MTSS1: variants seen among roughly 807,000 people sequenced by gnomAD.
MTSS1 encodes protein MTSS 1.
Under a neutral mutation model 79.0 loss-of-function variants are expected in MTSS1, and 18 were observed. The observed-to-expected ratio is 0.23, with a 90% confidence interval of 0.16 to 0.34. The LOEUF (loss-of-function observed/expected upper bound fraction) is 0.34, where lower values mean the gene tolerates loss of function less well. Among genes scored for constraint, MTSS1 ranks in the 10% least tolerant of loss-of-function variants. The pLI is 1.00. For missense variants in MTSS1, 815 were observed against 986.2 expected (o/e 0.83, Z 2.33); for synonymous variants, 341 against 368.6 (o/e 0.93, Z 0.86).
chr8:124,687,144 A>G (rs1195726118), intron 3 of MTSS1, among the ~76,000 whole-genome samples: 1 of 152,160 alleles, frequency 6.6e-6, no homozygotes, highest in Non-Finnish European at 1.5e-5. Context: ...TGAAAACACA[A>G]ACGCCAGAGC....
intron 10 of MTSS1, 55 bp from the exon 11 acceptor site, chr8:124,557,930 T>C (rs938962275): frequency 4.3e-6 from 6 of 1,388,492 alleles, no homozygotes; most frequent in Non-Finnish European, 4.9e-6. Context: ...TATAACAGGA[T>C]GAGTGCGGAG....
intron 6 of MTSS1, chr8:124,568,856 C>T: frequency 7.0e-7 from 1 of 1,431,404 alleles, no homozygotes; most frequent in African/African-American, 1.4e-5. Context: ...GAACACAGAG[C>T]CAGACAGCAT....
At chr8:124,563,186 A>G in intron 9 of MTSS1, 194 bp from the exon 10 acceptor site, 1 of 594,366 alleles carries the variant, frequency 1.7e-6, no homozygotes, top group South Asian at 2.0e-5. Context: ...TCATGAAGGT[A>G]GTCAACAAAA....
rs773369767 is a variant in MTSS1 at position 124,553,025 on chromosome 8, C to T, written c.2235G>A (p.Thr745=). The change falls in exon 14 of 14, where the codon ACG becomes ACA. Residue 745 remains threonine (T), a synonymous_variant. Transcript: ENST00000518547. This position sits in a 1 kb window ranked among gnomAD's most constrained non-coding sequence, Gnocchi z 6.0. ...AGCGAGGGGCTGAGCGATCGTTTGT[C>T]GTGGTCTTCTTCAGTTTCACGCCCC... ...IRRGVKLKKT[T]TNDRSAPRFS is the part of the protein sequence containing the mutation. 2.6e-5 allele frequency: 42 copies of T among 1,613,864 alleles called. No individual in the cohort carries two copies. The highest frequency in any genetic ancestry group is 1.6e-4 in the Middle Eastern group (1 of 6,084).
intron 10 of MTSS1, chr8:124,558,899 T>C: frequency 1.4e-6 from 2 of 1,458,202 alleles, no homozygotes; most frequent in Non-Finnish European, 1.8e-6. Flanking sequence ...CAAAATATAA[T>C]AAATAAAAAA....
intron 6 of MTSS1, among the ~76,000 whole-genome samples, chr8:124,583,649 T>C (rs1830409975): frequency 6.6e-6 from 1 of 152,134 alleles, no homozygotes; most frequent in Non-Finnish European, 1.5e-5. Context: ...TCCTTCATCC[T>C]TTTCACCAAA....
intron 6 of MTSS1, among the ~76,000 whole-genome samples, chr8:124,570,318 T>C (rs1422984056): frequency 6.6e-6 from 1 of 152,054 alleles, no homozygotes; most frequent in Non-Finnish European, 1.5e-5. Context: ...GTGTAGATAG[T>C]ATGTATCTAA....
At chr8:124,564,505 G>A (rs1314670583) in intron 9 of MTSS1, among the ~76,000 whole-genome samples, 2 of 152,084 alleles carry the variant, frequency 1.3e-5, no homozygotes, top group African/African-American at 2.4e-5. Flanking sequence ...GCCAGAAGGC[G>A]GCAGTTGGGG....
intron 3 of MTSS1, among the ~76,000 whole-genome samples, chr8:124,677,471 T>C (rs953590760): frequency 1.3e-5 from 2 of 152,234 alleles, no homozygotes; most frequent in Non-Finnish European, 2.9e-5. Context: ...TGTGTTCCCA[T>C]AAAACTTTAG....
At chr8:124,670,144 A>G (rs959398107) in intron 3 of MTSS1, among the ~76,000 whole-genome samples, 2 of 152,152 alleles carry the variant, frequency 1.3e-5, no homozygotes, top group Non-Finnish European at 2.9e-5. Flanking sequence ...AAGGAACAGA[A>G]AGGATAAATG....
intron 1 of MTSS1, among the ~76,000 whole-genome samples, chr8:124,722,998 T>A (rs1479643592): frequency 6.6e-6 from 1 of 152,286 alleles, no homozygotes; most frequent in African/African-American, 2.4e-5. Context: ...AATGAATCAA[T>A]AGTTTCAACC....
At chr8:124,562,118 A>G (rs1825467164) in intron 10 of MTSS1, among the ~76,000 whole-genome samples, 1 of 152,198 alleles carries the variant, frequency 6.6e-6, no homozygotes, top group Non-Finnish European at 1.5e-5. Context: ...AGAGGATCAC[A>G]TACATTGATG....
rs1024153021 is a variant in MTSS1, at chr8:124,556,536, A to G, written c.1231-131T>C. 8 of 1,026,420 alleles carry G rather than the reference A, an allele frequency of 7.8e-6. No individual in the cohort carries two copies. The African/African-American group carries it at 1.1e-4, about 15-fold the overall frequency. 63.6% of individuals were successfully genotyped at this position (1,026,420 alleles called of 1,614,324 possible). On this transcript the variant is annotated intron_variant, in intron 11 of 13. Transcript: ENST00000518547. ...GGAACCTCCGGCTGGGACAAGCCAC[A>G]GGCCCTCTGCATGCCCTCTCCAGGC...
chr8:124,685,979 C>T (rs78064898), intron 3 of MTSS1, among the ~76,000 whole-genome samples: 2,216 of 152,256 alleles, frequency 0.015, 52 homozygotes, highest in African/African-American at 0.05. Flanking sequence ...CCAGGGACCC[C>T]CAAAGTCCCA....
intron 3 of MTSS1, among the ~76,000 whole-genome samples, chr8:124,656,376 A>G (rs1820941171): frequency 1.3e-5 from 2 of 152,356 alleles, no homozygotes; most frequent in African/African-American, 4.8e-5. Flanking sequence ...TCATAGGAGG[A>G]AAACAAGCAC....
chr8:124,688,297 G>A (rs1827340146), intron 3 of MTSS1, among the ~76,000 whole-genome samples: 1 of 151,606 alleles, frequency 6.6e-6, no homozygotes, highest in South Asian at 2.1e-4. Flanking sequence ...GTACGTGTAT[G>A]TTGTGAATGT....
chr8:124,604,183 A>C (rs1834402444), intron 3 of MTSS1, among the ~76,000 whole-genome samples: 1 of 152,170 alleles, frequency 6.6e-6, no homozygotes, highest in Non-Finnish European at 1.5e-5. Context: ...ATTGCACTCC[A>C]GTCTGGGCAA....
chr8:124,657,274 T>C (rs75892751), intron 3 of MTSS1, among the ~76,000 whole-genome samples: 11,116 of 152,038 alleles, frequency 0.073, 435 homozygotes, highest in Middle Eastern at 0.095. Context: ...GGGGGCAACA[T>C]GTCTGAAAAT....
At chr8:124,568,763 G>C in intron 6 of MTSS1, 1 of 1,459,678 alleles carries the variant, frequency 6.9e-7, no homozygotes, top group South Asian at 1.4e-5. Context: ...TTCCTGACAA[G>C]GAAAATGTCC....
Sources: gnomAD v4.1 joint callset for allele counts (sites outside exome capture counted in the v4.1 genomes callset) on GRCh38, gnomAD v4.1.1 for gene constraint, Gnocchi (gnomAD v3.1) non-coding constraint, MANE v1.5 for transcripts, NCBI Gene and HGNC (gene_info 2026-07-23, HGNC 2026-07-21) for gene names.